The following PLCB1 variants were observed in gnomAD, a reference collection of about 807,000 sequenced individuals.
PLCB1 encodes 1-phosphatidylinositol 4,5-bisphosphate phosphodiesterase beta-1.
A neutral mutation model predicts 161.8 loss-of-function variants in PLCB1; 46 were observed. That is an observed-to-expected ratio of 0.28 (90% confidence interval 0.22 to 0.36). The LOEUF is 0.36. PLCB1 is among the 10% of genes least tolerant of loss of function. The pLI is 1.00. For synonymous variants in PLCB1, 517 were observed against 503.7 expected, an observed-to-expected ratio of 1.03 and a Z score of -0.35; for missense variants, 1,016 against 1,472.5, an observed-to-expected ratio of 0.69 and a Z score of 5.07.
At chr20:8,820,509 G>C (rs886670431) in intron 31 of PLCB1, among the ~76,000 whole-genome samples, 1 of 152,104 alleles carries the variant, frequency 6.6e-6, no homozygotes, top group African/African-American at 2.4e-5. Flanking sequence ...TGGTGCATCT[G>C]GGACAACTGT....
chr20:8,320,200 A>G (rs1216511622), intron 2 of PLCB1, among the ~76,000 whole-genome samples: 1 of 152,122 alleles, frequency 6.6e-6, no homozygotes, highest in East Asian at 1.9e-4. Context: ...TGTTGTTAAT[A>G]AAGTGTGTTT....
chr20:8,728,406 A>C (rs1980056511), intron 17 of PLCB1, among the ~76,000 whole-genome samples: 1 of 152,036 alleles, frequency 6.6e-6, no homozygotes, highest in Admixed American at 6.6e-5. Flanking sequence ...GATTCTTAGG[A>C]TAGAAAACTG....
In PLCB1 at chr20:8,456,823, G is replaced by C. The variant is rs142018127; in HGVS notation, c.246+85373G>C. On this transcript the variant is annotated intron_variant, in intron 3 of 31. Coordinates refer to ENST00000338037, the MANE Select transcript of PLCB1 (RefSeq NM_015192.4). Reference sequence around the variant, plus strand: ...CTTCTTCTCACTGTAACTCACATGGGAGAAGTGGCCAGAGAGCTCCCTGGG... The same window carrying C: ...CTTCTTCTCACTGTAACTCACATGGCAGAAGTGGCCAGAGAGCTCCCTGGG... Among the ~76,000 whole-genome samples the C allele has an allele frequency of 3.4e-3, 518 of 152,274 alleles. 4 individuals are homozygous for C. Among genetic ancestry groups the C allele is most frequent in the African/African-American group, 0.012 (487 of 41,578 alleles).
At chr20:8,207,743 A>G (rs1020831290) in intron 2 of PLCB1, among the ~76,000 whole-genome samples, 6 of 151,940 alleles carry the variant, frequency 3.9e-5, no homozygotes, top group Non-Finnish European at 8.8e-5. Context: ...ACAACGCCCA[A>G]CTAATTTTTT....
chr20:8,401,146 A>G (rs1458930264), intron 3 of PLCB1, among the ~76,000 whole-genome samples: 2 of 120,438 alleles, frequency 1.7e-5, no homozygotes, highest in South Asian at 2.6e-4. Context: ...CTGTGAGTGG[A>G]GAGGAAACTT....
At chr20:8,174,988 T>A (rs1285083785) in intron 2 of PLCB1, among the ~76,000 whole-genome samples, 1 of 151,990 alleles carries the variant, frequency 6.6e-6, no homozygotes, top group Non-Finnish European at 1.5e-5. Flanking sequence ...AAGATGACTT[T>A]AGCACAGGAA....
intron 31 of PLCB1, among the ~76,000 whole-genome samples, chr20:8,870,474 T>G (rs1442670028): frequency 6.6e-6 from 1 of 152,060 alleles, no homozygotes. Context: ...ATGTTAGGAG[T>G]TTTCCTCTGT....
intron 3 of PLCB1, among the ~76,000 whole-genome samples, chr20:8,524,451 C>T (rs761118791): frequency 1.6e-4 from 25 of 152,234 alleles, no homozygotes; most frequent in Admixed American, 1.2e-3. Flanking sequence ...TCGGTCATGG[C>T]ACTTGTTTCT....
At chr20:8,383,465 C>T (rs979387076) in intron 3 of PLCB1, among the ~76,000 whole-genome samples, 13 of 152,086 alleles carry the variant, frequency 8.5e-5, no homozygotes, top group South Asian at 2.1e-4. Context: ...TACGGCATAC[C>T]GATGGGTCTT....
Position 8,658,575 on chromosome 20 carries a change from A to G in PLCB1, c.733A>G (p.Met245Val), listed in dbSNP as rs1323446827. The part of the protein sequence containing the change: ...KSKPYLTVDQ[M>V]MDFINLKQRD... ...CAAACCATATCTTACCGTTGATCAG[A>G]TGATGGATTTTATCAACCTTAAGCA... The change falls in exon 9 of 32, where the codon ATG becomes GTG. Residue 245 changes from methionine (M) to valine (V), a missense_variant. Around this residue, in one of 10 missense-constraint regions of PLCB1, gnomAD observed 117 missense variants for 142.2 expected, o/e 0.82. Transcript: ENST00000338037. The G allele has an allele frequency of 3.1e-6, 5 of 1,612,516 alleles. No homozygotes were observed. The highest frequency in any genetic ancestry group is 4.2e-6 in the Non-Finnish European group (5 of 1,179,288).
intron 11 of PLCB1, among the ~76,000 whole-genome samples, chr20:8,701,526 C>T (rs1197256826): frequency 2.0e-5 from 3 of 152,218 alleles, no homozygotes; most frequent in Non-Finnish European, 4.4e-5. Flanking sequence ...CTGACACCCC[C>T]ACTTTTTAGT....
chr20:8,203,474 C>A (rs921615994), intron 2 of PLCB1, among the ~76,000 whole-genome samples: 2 of 151,894 alleles, frequency 1.3e-5, no homozygotes, highest in Admixed American at 1.3e-4. Context: ...GAGGAGCCTG[C>A]TTAACTATTT....
chr20:8,787,921 T>C lies in PLCB1; in HGVS notation c.3112-528T>C, dbSNP rs561743140. On this transcript the variant is annotated intron_variant, in intron 27 of 31. Coordinates refer to ENST00000338037, the MANE Select transcript of PLCB1 (RefSeq NM_015192.4). ...GTCAACTTCTAAGATGGGAAACTCA[T>C]GTTATCCTCAAAGCAATTCAACAAT... is the stretch of plus-strand genomic sequence containing the variant. 3.2e-4 allele frequency among the ~76,000 whole-genome samples: 49 copies of C among 152,388 alleles called. 1 individual carries two copies. Among genetic ancestry groups the C allele is most frequent in the African/African-American group, 1.2e-3 (49 of 41,600 alleles).
chr20:8,519,249 A>G (rs1314379226), intron 3 of PLCB1, among the ~76,000 whole-genome samples: 1 of 152,104 alleles, frequency 6.6e-6, no homozygotes, highest in African/African-American at 2.4e-5. Flanking sequence ...GAGAGTAAGA[A>G]GGGCATTCCT....
At chr20:8,232,405 TC>T (rs1980102469) in intron 2 of PLCB1, among the ~76,000 whole-genome samples, 2 of 152,146 alleles carry the variant, frequency 1.3e-5, no homozygotes, top group African/African-American at 4.8e-5. Context: ...ACAGTGATAT[TC>T]TTGATTTGAA....
At chr20:8,875,877 G>A (rs1213060211) in intron 31 of PLCB1, among the ~76,000 whole-genome samples, 1 of 148,986 alleles carries the variant, frequency 6.7e-6, no homozygotes, top group Non-Finnish European at 1.5e-5. Flanking sequence ...ACCTTCAAGA[G>A]TAACTTTGCT....
At chr20:8,321,611 C>T (rs1156958) in intron 2 of PLCB1, among the ~76,000 whole-genome samples, 51,944 of 151,974 alleles carry the variant, frequency 0.34, 9,845 homozygotes, top group African/African-American at 0.49. Flanking sequence ...ACCGGTACCC[C>T]ATAGTCCTCA....
At chr20:8,217,554 A>G (rs1301297113) in intron 2 of PLCB1, among the ~76,000 whole-genome samples, 2 of 152,264 alleles carry the variant, frequency 1.3e-5, no homozygotes, top group East Asian at 1.9e-4. Context: ...TGAGACTGTG[A>G]TATCAATGAC....
At chr20:8,535,202 CAAAAAAAAA>C (rs11323420) in intron 3 of PLCB1, among the ~76,000 whole-genome samples, 1 of 52,796 alleles carries the variant, frequency 1.9e-5, no homozygotes, top group African/African-American at 6.9e-5. Context: ...AGTTTATGGG[CAAAAAAAAA>C]AAAAAAAAAA....
Sources: allele counts gnomAD v4.1 joint callset (sites outside exome capture counted in the v4.1 genomes callset), GRCh38; gene constraint gnomAD v4.1.1; regional missense constraint gnomAD v4.1.1; transcripts MANE v1.5; gene names NCBI Gene and HGNC (gene_info 2026-07-23, HGNC 2026-07-21).